The following PPP1R10 variants were observed in gnomAD, a reference collection of about 807,000 sequenced individuals.
The protein encoded by PPP1R10 is protein phosphatase 1 regulatory subunit 10.
In PPP1R10, 15 loss-of-function variants were observed where a neutral mutation model predicts 99.0. The observed-to-expected ratio is 0.15, with a 90% confidence interval of 0.10 to 0.23. PPP1R10 has a LOEUF of 0.23. Ranked by LOEUF, PPP1R10 falls within the 10% of genes least tolerant of loss-of-function variation. PPP1R10 has a pLI of 1.00. For missense variants in PPP1R10, 947 were observed against 1,259.4 expected (o/e 0.75, Z 3.75); for synonymous variants, 430 against 449.5 (o/e 0.96, Z 0.55).
rs372002886 is a variant in PPP1R10 at position 30,601,507 on chromosome 6, G to A, written c.*42C>T. The A allele has an allele frequency of 4.4e-5, 66 of 1,515,490 alleles. No individual in the cohort carries two copies. The highest frequency in any genetic ancestry group is 5.5e-5 in the Non-Finnish European group (60 of 1,092,194). The allele number at this position is 1,515,490 out of a possible 1,614,324, so 93.9% of individuals were successfully genotyped here. A position where few individuals can be genotyped will look rare whatever the true frequency, so the allele number is the denominator to read the frequency against. ...ATAACAGGGTGGAAAGAGCGAGGCTGCAGTCCACAGGGGTTGTGTGAACAG... is the reference window on the plus strand; with the variant it reads ...ATAACAGGGTGGAAAGAGCGAGGCTACAGTCCACAGGGGTTGTGTGAACAG... On this transcript the variant is annotated 3_prime_UTR_variant, in exon 20 of 20. Transcript: ENST00000376511.
In PPP1R10 at chr6:30,606,278, C is replaced by A; in HGVS notation, c.635-35G>T. 1 of 1,608,388 alleles carries A rather than the reference C, an allele frequency of 6.2e-7. No homozygotes were observed. Among genetic ancestry groups the A allele is most frequent in the East Asian group, 2.2e-5 (1 of 44,812 alleles). ...GAAGCACGGTGTGGGCAGCTGAACT[C>A]AAACCCCAGACCCCCGAATTTTCCT... On this transcript the variant is annotated intron_variant, in intron 8 of 19. Transcript: ENST00000376511. The surrounding 1 kb of genome is among the most constrained non-coding windows in gnomAD (Gnocchi z 6.3).
rs1803440047 is a variant in PPP1R10, at chr6:30,602,401, C to T, written c.2248G>A (p.Gly750Arg). Residue 750 changes from glycine to arginine, a missense_variant, in exon 19 of 20, where the codon GGG becomes AGG. Around this residue, in one of 10 missense-constraint regions of PPP1R10, gnomAD observed 525 missense variants for 578.8 expected, o/e 0.91. Transcript: ENST00000376511. The surrounding 1 kb of genome is among the most constrained non-coding windows in gnomAD (Gnocchi z 6.7). ...CCAGGGCCTTCGTGAGGACGATGCC[C>T]ACCACCTCCAACCATGCCCCCACCA... Reference protein sequence around the residue: ...GPGGGMVGGGGHRPHEGPGGG... With the variant: ...GPGGGMVGGGRHRPHEGPGGG... 6.2e-7 allele frequency: 1 copy of T among 1,612,118 alleles called. No individual in the cohort carries two copies. Among genetic ancestry groups the T allele is most frequent in the South Asian group, 1.1e-5 (1 of 91,024 alleles).
intron 6 of PPP1R10, 72 bp downstream of exon 6, chr6:30,607,768 G>A (rs781775923): frequency 8.3e-5 from 125 of 1,501,392 alleles, no homozygotes; most frequent in Non-Finnish European, 1.1e-4. Context: ...TCCAAGGATG[G>A]GAAAAGATAT....
intron 2 of PPP1R10, among the ~76,000 whole-genome samples, chr6:30,611,573 GAAA>G (rs1275660660): frequency 6.6e-6 from 1 of 152,156 alleles, no homozygotes; most frequent in Non-Finnish European, 1.5e-5. Context: ...TCAAACAAAA[GAAA>G]AAACATAGCA....
chr6:30,601,373 T>TA lies in PPP1R10; in HGVS notation c.*175_*176insT. Reference sequence around the variant, plus strand: ...CCCAGACTGGAGGAAAATATGTACATCAATGCGCACCAGTGATCAGAAAAC... The same window carrying TA: ...CCCAGACTGGAGGAAAATATGTACATACAATGCGCACCAGTGATCAGAAAAC... On this transcript the variant is annotated 3_prime_UTR_variant, in exon 20 of 20. Coordinates refer to ENST00000376511, the MANE Select transcript of PPP1R10 (RefSeq NM_002714.4). 3.3e-6 allele frequency: 2 copies of TA among 601,604 alleles called. No individual in the cohort carries two copies. Among genetic ancestry groups the TA allele is most frequent in the Non-Finnish European group, 5.9e-6 (2 of 336,880 alleles). The allele number at this position is 601,604 out of a possible 1,614,324, so 37.3% of individuals were successfully genotyped here. A position where few individuals can be genotyped will look rare whatever the true frequency, so the allele number is the denominator to read the frequency against.
At chr6:30,603,339 C>T (rs369564472) in intron 16 of PPP1R10, 54 bp from the exon 17 acceptor site, 33 of 1,583,770 alleles carry the variant, frequency 2.1e-5, no homozygotes, top group African/African-American at 5.4e-5. Context: ...ACAACCATGG[C>T]GAAAGATAGC....
chr6:30,600,772 T>C lies in PPP1R10; in HGVS notation c.*777A>G, dbSNP rs1047637346. The C allele has an allele frequency of 6.6e-6, 1 of 152,602 alleles. No individual in the cohort carries two copies. The highest frequency in any genetic ancestry group is 2.4e-5 in the African/African-American group (1 of 41,432). 9.5% of individuals were successfully genotyped at this position (152,602 alleles called of 1,614,324 possible). The stretch of plus-strand genomic sequence containing the variant: ...GCCCAGCACGCCGGGCCCAAGTTGA[T>C]GAGAAGCTGGTCTCACTGAAGTATT... On this transcript the variant is annotated 3_prime_UTR_variant, in exon 20 of 20. Coordinates refer to ENST00000376511, the MANE Select transcript of PPP1R10 (RefSeq NM_002714.4).
In PPP1R10 at chr6:30,606,738, GA is replaced by G. The variant is rs764584473; in HGVS notation, c.460+40del. ...GCACCTAAAGGCCACATCCCAATAG[GA>G]AAGAAATAAATACAAAGGATAAAGG... On this transcript the variant is annotated intron_variant, in intron 7 of 19. Coordinates refer to ENST00000376511, the MANE Select transcript of PPP1R10 (RefSeq NM_002714.4). This position sits in a 1 kb window ranked among gnomAD's most constrained non-coding sequence, Gnocchi z 6.3. 1.2e-5 allele frequency: 20 copies of G among 1,610,412 alleles called. No homozygotes were observed. In the South Asian group the frequency reaches 2.1e-4, roughly 17 times the overall value.
At chr6:30,603,417 G>C (rs985826718) in intron 16 of PPP1R10, 55 bp downstream of exon 16, 43 of 1,592,082 alleles carry the variant, frequency 2.7e-5, no homozygotes, top group African/African-American at 1.1e-4. Context: ...ACAGTGAGGA[G>C]AGCGAGCTTA....
At chr6:30,608,726 T>A in intron 5 of PPP1R10, 53 bp downstream of exon 5, 1 of 1,567,542 alleles carries the variant, frequency 6.4e-7, no homozygotes, top group Non-Finnish European at 8.7e-7. Flanking sequence ...GAGTTTTTCA[T>A]CCATTAGACT....
Position 30,604,311 on chromosome 6 carries a change from A to G in PPP1R10, c.1261+42T>C, listed in dbSNP as rs1372521856. On this transcript the variant is annotated intron_variant, in intron 13 of 19. Coordinates refer to ENST00000376511, the MANE Select transcript of PPP1R10 (RefSeq NM_002714.4). The surrounding 1 kb of genome is among the most constrained non-coding windows in gnomAD (Gnocchi z 7.3). ...AGTAAGCACAACCAAGTCCTTTCAA[A>G]ATCCCTTAAACACACCTATTACGTA... 6.2e-7 allele frequency: 1 copy of G among 1,613,540 alleles called. No homozygotes were observed. Among genetic ancestry groups the G allele is most frequent in the Non-Finnish European group, 8.5e-7 (1 of 1,179,596 alleles).
rs542481634 is a variant in PPP1R10 at position 30,601,383 on chromosome 6, C to A, written c.*166G>T. 715 of 614,834 alleles carry A rather than the reference C, an allele frequency of 1.2e-3. 1 individual carries two copies. Among genetic ancestry groups the A allele is most frequent in the Admixed American group, 1.6e-3 (54 of 34,172 alleles). The allele number at this position is 614,834 out of a possible 1,614,324, so 38.1% of individuals were successfully genotyped here. A position where few individuals can be genotyped will look rare whatever the true frequency, so the allele number is the denominator to read the frequency against. On this transcript the variant is annotated 3_prime_UTR_variant, in exon 20 of 20. Transcript: ENST00000376511. Reference sequence around the variant, plus strand: ...AGGAAAATATGTACATCAATGCGCACCAGTGATCAGAAAACCCCCAGGAAC... The same window carrying A: ...AGGAAAATATGTACATCAATGCGCAACAGTGATCAGAAAACCCCCAGGAAC...
chr6:30,605,962 C>A lies in PPP1R10; in HGVS notation c.814G>T (p.Ala272Ser), dbSNP rs963307123. The change falls in exon 10 of 20, where the codon GCC becomes TCC. Residue 272 changes from alanine to serine, a missense_variant. Physicochemically the swap from Ala to Ser is moderately conservative, Grantham distance 99. This residue lies in a region of PPP1R10 where 39 missense variants were observed against 34.4 expected (regional missense o/e 1.14). Transcript: ENST00000376511. The stretch of plus-strand genomic sequence containing the variant: ...ATCTTCACTTTGATCTCTTTGGTGG[C>A]ATTAGGTGTTGTGTTGAGTGGCTTG... ...KYKPLNTTPN[A>S]TKEIKVKIIP... is the part of the protein sequence containing the mutation. The A allele has an allele frequency of 3.7e-6, 6 of 1,613,678 alleles. No individual in the cohort carries two copies. In the African/African-American group the frequency reaches 8.0e-5, roughly 22 times the overall value.
chr6:30,608,797 A>G lies in PPP1R10; in HGVS notation c.312T>C (p.Thr104=), dbSNP rs1163312426. 1 of 1,614,148 alleles carries G rather than the reference A, an allele frequency of 6.2e-7. No individual in the cohort carries two copies. The highest frequency in any genetic ancestry group is 8.5e-7 in the Non-Finnish European group (1 of 1,179,972). ...ILLTLQHLPL[T]VDHLKQNNTA... ...AAGGTACCTGCTTGAGATGGTCTAC[A>G]GTGAGCGGTAGATGCTGCAGGGTCA... The change falls in exon 5 of 20, where the codon ACT becomes ACC. Residue 104 remains threonine (T), a synonymous_variant. Coordinates refer to ENST00000376511, the MANE Select transcript of PPP1R10 (RefSeq NM_002714.4).
chr6:30,608,029 C>A (rs956015263), intron 5 of PPP1R10, 138 bp from the exon 6 acceptor site: 2 of 881,858 alleles, frequency 2.3e-6, no homozygotes, highest in African/African-American at 1.7e-5. Context: ...CACTCTGTTG[C>A]CCAGGCTAGA....
At chr6:30,608,998 A>G in intron 4 of PPP1R10, 79 bp downstream of exon 4, 1 of 1,610,904 alleles carries the variant, frequency 6.2e-7, no homozygotes, top group South Asian at 1.1e-5. Context: ...TCTCCCATCA[A>G]TGACCGAGGA....
intron 19 of PPP1R10, 26 bp from the exon 20 acceptor site, chr6:30,601,684 A>G: frequency 6.2e-7 from 1 of 1,602,454 alleles, no homozygotes; most frequent in Non-Finnish European, 8.5e-7. Flanking sequence ...CAAAACAGTT[A>G]GACAGGAAAT....
intron 15 of PPP1R10, 53 bp from the exon 16 acceptor site, chr6:30,603,719 T>C: frequency 6.4e-7 from 1 of 1,552,056 alleles, no homozygotes; most frequent in Non-Finnish European, 8.7e-7. Context: ...CATTCTCATA[T>C]GAAAGATGCA....
rs776010582 is a variant in PPP1R10 at position 30,604,544 on chromosome 6, C to T, written c.1103-33G>A. The T allele has an allele frequency of 1.2e-6, 2 of 1,612,808 alleles. No homozygotes were observed. ...CAGAAGAGGTTTCAGACCCAGATCC[C>T]TCCTTTCAGAAAACCCCCCAAACTG... On this transcript the variant is annotated intron_variant, in intron 12 of 19. Transcript: ENST00000376511. The surrounding 1 kb of genome is among the most constrained non-coding windows in gnomAD (Gnocchi z 7.3).
Sources: allele counts gnomAD v4.1 joint callset (sites outside exome capture counted in the v4.1 genomes callset), GRCh38; gene constraint gnomAD v4.1.1; regional missense constraint gnomAD v4.1.1; non-coding constraint Gnocchi (gnomAD v3.1); transcripts MANE v1.5; gene names NCBI Gene and HGNC (gene_info 2026-07-23, HGNC 2026-07-21).